The following THSD7A variants were observed in gnomAD, a reference collection of about 807,000 sequenced individuals.
THSD7A encodes the protein thrombospondin type-1 domain-containing protein 7A.
Under a neutral mutation model 231.3 loss-of-function variants are expected in THSD7A, and 96 were observed. The observed-to-expected ratio is 0.41, with a 90% confidence interval of 0.35 to 0.49. The LOEUF is 0.49. Among genes scored for constraint, THSD7A ranks in the 20% least tolerant of loss-of-function variants. THSD7A has a pLI of 0.05. For missense variants in THSD7A, 2,290 were observed against 2,070.2 expected (o/e 1.11, Z -2.06); for synonymous variants, 940 against 743.3 (o/e 1.26, Z -4.30).
intron 6 of THSD7A, among the ~76,000 whole-genome samples, chr7:11,510,986 G>C (rs1408242721): frequency 6.8e-6 from 1 of 146,082 alleles, no homozygotes; most frequent in Non-Finnish European, 1.5e-5. Flanking sequence ...AAAAGAGGAA[G>C]TCAATTGTCC....
rs959421038 is a variant in THSD7A, at chr7:11,446,190, C to T, written c.2935G>A (p.Val979Met). Residue 979 changes from valine to methionine, a missense_variant, in exon 13 of 28, where the codon GTG becomes ATG. Transcript: ENST00000423059. This position sits in a 1 kb window ranked among gnomAD's most constrained non-coding sequence, Gnocchi z 4.0. ...WSDCILPEGK[V>M]EVLLGMKVQG... is the part of the protein sequence containing the mutation. ...ACTTTCATTCCCAGCAACACTTCCA[C>T]TTTTCCCTCTGGTAAAATACAGTCT... The T allele has an allele frequency of 9.9e-6, 16 of 1,613,452 alleles. No individual in the cohort carries two copies. Among genetic ancestry groups the T allele is most frequent in the African/African-American group, 2.7e-5 (2 of 74,894 alleles).
chr7:11,574,268 C>T (rs1320836573), intron 4 of THSD7A, among the ~76,000 whole-genome samples: 2 of 151,784 alleles, frequency 1.3e-5, no homozygotes, highest in Non-Finnish European at 2.9e-5. Flanking sequence ...AATTTTTCTC[C>T]TTCCATTAAA....
intron 1 of THSD7A, among the ~76,000 whole-genome samples, chr7:11,701,660 T>A (rs963832606): frequency 1.3e-5 from 2 of 151,164 alleles, no homozygotes; most frequent in Admixed American, 6.6e-5. Context: ...TTCTAATTTA[T>A]AAGGTCTAGG....
rs1036446659 is a variant in THSD7A at position 11,767,601 on chromosome 7, T to C, written c.190+64156A>G. Among the ~76,000 whole-genome samples the C allele has an allele frequency of 2.6e-5, 4 of 152,314 alleles. No homozygotes were observed. The East Asian group carries it at 7.7e-4, about 29-fold the overall frequency. The stretch of plus-strand genomic sequence containing the variant: ...TTCAAAATTATTGTATATTTTATTA[T>C]ATAGTATTTTCATTTTATTATCAGT... On this transcript the variant is annotated intron_variant, in intron 1 of 27. Transcript: ENST00000423059.
In THSD7A at chr7:11,699,159, C is replaced by A. The variant is rs568216665; in HGVS notation, c.191-62198G>T. Among the ~76,000 whole-genome samples, 5 of 151,100 alleles carry A rather than the reference C, an allele frequency of 3.3e-5. No individual in the cohort carries two copies. The South Asian group carries it at 1.0e-3, about 31-fold the overall frequency. On this transcript the variant is annotated intron_variant, in intron 1 of 27. Coordinates refer to ENST00000423059, the MANE Select transcript of THSD7A (RefSeq NM_015204.3). ...GTTTAGTTAGATGTTGACCTTGAGG[C>A]ACGGAATTTCAGCTTCAATTTAAAT...
chr7:11,420,075 A>C (rs1017451104), intron 16 of THSD7A, among the ~76,000 whole-genome samples: 9 of 152,236 alleles, frequency 5.9e-5, no homozygotes, highest in African/African-American at 2.2e-4. Flanking sequence ...GAAGAGCATA[A>C]AAGTTTAGAA....
intron 1 of THSD7A, among the ~76,000 whole-genome samples, chr7:11,696,572 T>C (rs1471523870): frequency 1.3e-5 from 2 of 151,330 alleles, no homozygotes; most frequent in African/African-American, 4.8e-5. Flanking sequence ...TTTGTCATAA[T>C]GCTCTCCCTC....
In THSD7A at chr7:11,593,400, T is replaced by C; in HGVS notation, c.1125A>G (p.Thr375=). Residue 375 remains threonine (T), a synonymous_variant, in exon 3 of 28, where the codon ACA becomes ACG. Coordinates refer to ENST00000423059, the MANE Select transcript of THSD7A (RefSeq NM_015204.3). ...CTGCAGGGGACACCATGTCATGGCATGTTTTTGAGCAGGGGCTCCACTCTG... is the reference window on the plus strand; with the variant it reads ...CTGCAGGGGACACCATGTCATGGCACGTTTTTGAGCAGGGGCTCCACTCTG... The part of the protein sequence containing the change: ...EWSEWSPCSK[T]CHDMVSPAGT... 1.2e-6 allele frequency: 2 copies of C among 1,614,042 alleles called. No homozygotes were observed. Among genetic ancestry groups the C allele is most frequent in the Non-Finnish European group, 8.5e-7 (1 of 1,179,882 alleles).
intron 2 of THSD7A, among the ~76,000 whole-genome samples, chr7:11,607,166 G>C (rs1444282270): frequency 5.3e-5 from 8 of 152,038 alleles, no homozygotes; most frequent in Non-Finnish European, 1.2e-4. Context: ...ATTATACTCA[G>C]ATTTAGTACT....
chr7:11,770,240 T>A (rs1158546710), intron 1 of THSD7A, among the ~76,000 whole-genome samples: 1 of 152,130 alleles, frequency 6.6e-6, no homozygotes, highest in African/African-American at 2.4e-5. Context: ...AGTTAAATCA[T>A]AATTTTAAGT....
intron 6 of THSD7A, among the ~76,000 whole-genome samples, chr7:11,509,744 C>G (rs1787714154): frequency 7.0e-6 from 1 of 142,702 alleles, no homozygotes; most frequent in Non-Finnish European, 1.5e-5. Context: ...ATGGCATGAA[C>G]CCGGGAGGCG....
In THSD7A at chr7:11,636,089, G is replaced by A; in HGVS notation, c.1022+41C>T. On this transcript the variant is annotated intron_variant, in intron 2 of 27. Transcript: ENST00000423059. The surrounding 1 kb of genome is among the most constrained non-coding windows in gnomAD (Gnocchi z 10.0). ...GATATCTTAGGTACTCATGATTCTT[G>A]ACAGACAAGCCTGTGTAGTTAACAG... 2 of 1,536,138 alleles carry A rather than the reference G, an allele frequency of 1.3e-6. No homozygotes were observed. Among genetic ancestry groups the A allele is most frequent in the Non-Finnish European group, 1.8e-6 (2 of 1,130,434 alleles).
At position 11,637,271 on chromosome 7, in the gene THSD7A, G is replaced by A. The variant is rs1283071699; in HGVS notation, c.191-310C>T. Among the ~76,000 whole-genome samples, 1 of 152,086 alleles carries A rather than the reference G, an allele frequency of 6.6e-6. No individual in the cohort carries two copies. The highest frequency in any genetic ancestry group is 1.5e-5 in the Non-Finnish European group (1 of 68,026). ...TAGTTAGAAATCCTTGCTGATAAAGGACATCAGAAATTAGTCACAGTGAAA... is the reference window on the plus strand; with the variant it reads ...TAGTTAGAAATCCTTGCTGATAAAGAACATCAGAAATTAGTCACAGTGAAA... On this transcript the variant is annotated intron_variant, in intron 1 of 27. Coordinates refer to ENST00000423059, the MANE Select transcript of THSD7A (RefSeq NM_015204.3). The surrounding 1 kb of genome is among the most constrained non-coding windows in gnomAD (Gnocchi z 4.2).
chr7:11,507,393 A>G (rs1365333630), intron 6 of THSD7A, among the ~76,000 whole-genome samples: 5 of 152,202 alleles, frequency 3.3e-5, no homozygotes, highest in Admixed American at 2.0e-4. Flanking sequence ...TTGTTATAAC[A>G]ATATCTAAAA....
intron 2 of THSD7A, among the ~76,000 whole-genome samples, chr7:11,628,470 A>AT (rs1781544404): frequency 6.6e-6 from 1 of 152,092 alleles, no homozygotes; most frequent in African/African-American, 2.4e-5. Context: ...CGCTAGCAGC[A>AT]TTTTCTCTAG....
At chr7:11,715,530 C>T (rs1303037700) in intron 1 of THSD7A, among the ~76,000 whole-genome samples, 5 of 151,414 alleles carry the variant, frequency 3.3e-5, no homozygotes, top group Non-Finnish European at 7.4e-5. Flanking sequence ...ACACAACCTG[C>T]TGTTAAGATT....
intron 14 of THSD7A, 76 bp downstream of exon 14, chr7:11,428,871 C>G: frequency 2.7e-6 from 4 of 1,491,436 alleles, no homozygotes; most frequent in Non-Finnish European, 3.6e-6. Context: ...ATTATTTCCT[C>G]TTCTCCATTT....
intron 4 of THSD7A, among the ~76,000 whole-genome samples, chr7:11,552,338 T>C (rs548443363): frequency 2.0e-5 from 3 of 151,796 alleles, no homozygotes; most frequent in Non-Finnish European, 4.4e-5. Flanking sequence ...ACACACACAC[T>C]CCCAACCCCT....
chr7:11,590,600 T>C lies in THSD7A; in HGVS notation c.1313A>G (p.Asp438Gly), dbSNP rs745400637. Residue 438 changes from aspartate to glycine, a missense_variant, in exon 4 of 28, where the codon GAC becomes GGC. By Grantham distance (94) the Asp-to-Gly change is moderately conservative. Transcript: ENST00000423059. This position sits in a 1 kb window ranked among gnomAD's most constrained non-coding sequence, Gnocchi z 4.4. ...CTTGTCCTGCTGACTGAGCAAAGGG[T>C]CCACACGGCACTCAGTCCACTCTGT... The part of the protein sequence containing the change: ...RTTEWTECRV[D>G]PLLSQQDKRR... 6 of 1,613,270 alleles carry C rather than the reference T, an allele frequency of 3.7e-6. No individual in the cohort carries two copies. Among genetic ancestry groups the C allele is most frequent in the Non-Finnish European group, 4.2e-6 (5 of 1,179,552 alleles).
Sources: allele counts gnomAD v4.1 joint callset (sites outside exome capture counted in the v4.1 genomes callset), GRCh38; gene constraint gnomAD v4.1.1; non-coding constraint Gnocchi (gnomAD v3.1); transcripts MANE v1.5; gene names NCBI Gene and HGNC (gene_info 2026-07-23, HGNC 2026-07-21).